PEX5L: variants seen among roughly 807,000 people sequenced by gnomAD.
The protein encoded by PEX5L is peroxisomal biogenesis factor 5 like.
PEX5L carries 30 observed loss-of-function variants against 84.0 expected under a neutral mutation model. The ratio of observed to expected loss-of-function variants is 0.36; its 90% CI spans 0.27 to 0.48. PEX5L has a LOEUF of 0.48. PEX5L is among the 20% of genes least tolerant of loss of function. The pLI is 0.99. For missense variants in PEX5L, 533 were observed against 754.6 expected, an observed-to-expected ratio of 0.71 and a Z score of 3.44; for synonymous variants, 270 against 283.1, an observed-to-expected ratio of 0.95 and a Z score of 0.46.
At chr3:179,970,326 A>C (rs1784408743) in intron 2 of PEX5L, among the ~76,000 whole-genome samples, 1 of 152,062 alleles carries the variant, frequency 6.6e-6, no homozygotes, top group Admixed American at 6.6e-5. Flanking sequence ...GATCAGACAT[A>C]GACTGCATGC....
chr3:179,965,553 G>T (rs113309539), intron 2 of PEX5L, among the ~76,000 whole-genome samples: 7 of 152,236 alleles, frequency 4.6e-5, no homozygotes, highest in African/African-American at 1.7e-4. Context: ...CCTCTGTGCC[G>T]CTCTATGACA....
chr3:179,857,501 TTG>T (rs1744467727), intron 8 of PEX5L, among the ~76,000 whole-genome samples: 1 of 152,206 alleles, frequency 6.6e-6, no homozygotes, highest in African/African-American at 2.4e-5. Flanking sequence ...TTTTTTTGGT[TTG>T]TGTGTCTGGT....
chr3:179,942,910 C>T (rs1009006665), intron 2 of PEX5L, among the ~76,000 whole-genome samples: 3 of 152,192 alleles, frequency 2.0e-5, no homozygotes, highest in South Asian at 2.1e-4. Context: ...AGGAGGCCTG[C>T]GTTCCAATTC....
intron 8 of PEX5L, among the ~76,000 whole-genome samples, chr3:179,824,648 A>G (rs1577299223): frequency 7.1e-6 from 1 of 140,058 alleles, no homozygotes; most frequent in African/African-American, 2.6e-5. Flanking sequence ...GGAGGTTGTG[A>G]TGAGCCGAGA....
chr3:179,919,090 G>C (rs1309833871), intron 2 of PEX5L, among the ~76,000 whole-genome samples: 1 of 152,270 alleles, frequency 6.6e-6, no homozygotes, highest in African/African-American at 2.4e-5. Context: ...GTACATCCTG[G>C]ATTGTTTTTT....
chr3:179,911,685 C>T (rs1765239268), intron 2 of PEX5L, among the ~76,000 whole-genome samples: 2 of 152,132 alleles, frequency 1.3e-5, no homozygotes, highest in Admixed American at 6.5e-5. Context: ...AGTTAATGGA[C>T]TTCTCCTAAC....
rs1296432766 is a variant in PEX5L, at chr3:179,797,785, T to TA, written c.*4042dup. The TA allele has an allele frequency of 1.3e-5, 2 of 151,854 alleles. No individual in the cohort carries two copies. The highest frequency in any genetic ancestry group is 1.5e-5 in the Non-Finnish European group (1 of 67,986). 9.4% of individuals were successfully genotyped at this position (151,854 alleles called of 1,614,324 possible). A position where few individuals can be genotyped will look rare whatever the true frequency, so the allele number is the denominator to read the frequency against. Reference sequence around the variant, plus strand: ...TGTGCACGTGTAATAATTTCTAAAATAAGAGGGTTCAAAAAGGATGGCATA... The same window carrying TA: ...TGTGCACGTGTAATAATTTCTAAAATAAAGAGGGTTCAAAAAGGATGGCATA... On this transcript the variant is annotated 3_prime_UTR_variant, in exon 15 of 15. Coordinates refer to ENST00000467460, the MANE Select transcript of PEX5L (RefSeq NM_016559.3).
chr3:179,959,026 C>CA (rs1245566735), intron 2 of PEX5L, among the ~76,000 whole-genome samples: 21 of 146,588 alleles, frequency 1.4e-4, no homozygotes, highest in African/African-American at 4.1e-4. Context: ...GACTCCATCT[C>CA]AAAAAACAAA....
At chr3:179,981,321 A>C (rs1480228362) in intron 1 of PEX5L, among the ~76,000 whole-genome samples, 2 of 152,124 alleles carry the variant, frequency 1.3e-5, no homozygotes, top group Admixed American at 1.3e-4. Flanking sequence ...GTTATCAGAT[A>C]TGTGCTGTAA....
chr3:179,991,829 C>A (rs1022004222), intron 1 of PEX5L, among the ~76,000 whole-genome samples: 1 of 152,156 alleles, frequency 6.6e-6, no homozygotes, highest in Non-Finnish European at 1.5e-5. Context: ...TGTTCCTTTT[C>A]TGTTAACTTT....
At chr3:179,814,280 A>G (rs926985864) in intron 10 of PEX5L, among the ~76,000 whole-genome samples, 2 of 152,176 alleles carry the variant, frequency 1.3e-5, no homozygotes, top group African/African-American at 4.8e-5. Flanking sequence ...AATGAAGGCT[A>G]AATATTGATG....
Position 179,845,294 on chromosome 3 carries a change from T to C in PEX5L, c.822+13768A>G, listed in dbSNP as rs571843085. ...TAGGATATCCCTATAAGTGTTTTATTCTCAGATTTTACCATATAACTCAGC... is the reference window on the plus strand; with the variant it reads ...TAGGATATCCCTATAAGTGTTTTATCCTCAGATTTTACCATATAACTCAGC... On this transcript the variant is annotated intron_variant, in intron 8 of 14. Coordinates refer to ENST00000467460, the MANE Select transcript of PEX5L (RefSeq NM_016559.3). 3.0e-4 allele frequency among the ~76,000 whole-genome samples: 45 copies of C among 152,372 alleles called. 1 individual carries two copies. The East Asian group carries it at 7.3e-3, about 25-fold the overall frequency.
chr3:179,868,269 C>T (rs940701936), intron 7 of PEX5L, among the ~76,000 whole-genome samples: 1 of 151,688 alleles, frequency 6.6e-6, no homozygotes, highest in African/African-American at 2.4e-5. Flanking sequence ...ATTTTGCTCT[C>T]TAAGATGTAT....
intron 8 of PEX5L, among the ~76,000 whole-genome samples, chr3:179,825,913 C>T (rs56656691): frequency 0.017 from 2,574 of 152,302 alleles, 95 homozygotes; most frequent in African/African-American, 0.059. Context: ...AGGATACAGA[C>T]GGAATGCAAT....
At chr3:179,920,323 C>T (rs1203932884) in intron 2 of PEX5L, among the ~76,000 whole-genome samples, 2 of 152,130 alleles carry the variant, frequency 1.3e-5, no homozygotes, top group African/African-American at 4.8e-5. Context: ...TCTTTCTTTC[C>T]CTTCTCAATT....
intron 2 of PEX5L, among the ~76,000 whole-genome samples, chr3:179,924,481 A>G (rs1578533075): frequency 6.6e-6 from 1 of 152,340 alleles, no homozygotes; most frequent in East Asian, 1.9e-4. Context: ...AAATAATTTA[A>G]TTCATACTCT....
At chr3:179,823,019 C>A (rs773284056) in intron 8 of PEX5L, among the ~76,000 whole-genome samples, 15 of 152,028 alleles carry the variant, frequency 9.9e-5, no homozygotes, top group Non-Finnish European at 1.9e-4. Flanking sequence ...GTTGTTATGA[C>A]AACTAAATGA....
At chr3:179,897,273 T>TG (rs1260941067) in intron 3 of PEX5L, among the ~76,000 whole-genome samples, 1 of 152,062 alleles carries the variant, frequency 6.6e-6, no homozygotes, top group Non-Finnish European at 1.5e-5. Context: ...CGGAACTGAA[T>TG]GGAAAAAATG....
intron 8 of PEX5L, among the ~76,000 whole-genome samples, chr3:179,853,149 G>C (rs1742580376): frequency 6.6e-6 from 1 of 152,044 alleles, no homozygotes; most frequent in African/African-American, 2.4e-5. Context: ...TGATCACCTG[G>C]TTTGTATTTG....
Sources: allele counts gnomAD v4.1 joint callset (sites outside exome capture counted in the v4.1 genomes callset), GRCh38; gene constraint gnomAD v4.1.1; transcripts MANE v1.5; gene names NCBI Gene and HGNC (gene_info 2026-07-23, HGNC 2026-07-21).